Variants in TMC5 observed in about 807,000 individuals in gnomAD.
TMC5 encodes the protein transmembrane channel-like protein 5.
In TMC5, 86 loss-of-function variants were observed where a neutral mutation model predicts 110.5. The observed-to-expected ratio is 0.78, with a 90% confidence interval of 0.65 to 0.93. The LOEUF is 0.93. Ranked by LOEUF, TMC5 falls within the 40% of genes least tolerant of loss-of-function variation. The pLI is 0.00. For synonymous variants in TMC5, 455 were observed against 439.5 expected, an observed-to-expected ratio of 1.04 and a Z score of -0.44; for missense variants, 1,144 against 1,222.8, an observed-to-expected ratio of 0.94 and a Z score of 0.96.
At position 19,474,223 on chromosome 16, in the gene TMC5, G is replaced by C; in HGVS notation, c.2037G>C (p.Arg679Ser). The C allele has an allele frequency of 6.2e-7, 1 of 1,614,116 alleles. No homozygotes were observed. The highest frequency in any genetic ancestry group is 1.6e-4 in the Middle Eastern group (1 of 6,062). Residue 679 changes from arginine to serine, a missense_variant, in exon 12 of 22, where the codon AGG becomes AGC. Coordinates refer to ENST00000542583, the MANE Select transcript of TMC5 (RefSeq NM_001261841.2). ...TGCCATGCATCTACTCCATGTTCAG[G>C]CTTGTGGAGAGGTACGAGATGCCAC... is the stretch of plus-strand genomic sequence containing the variant. The part of the protein sequence containing the change: ...LAVPCIYSMF[R>S]LVERYEMPRH...
chr16:19,438,747 A>G (rs1023076532), intron 2 of TMC5, among the ~76,000 whole-genome samples: 1 of 152,126 alleles, frequency 6.6e-6, no homozygotes, highest in African/African-American at 2.4e-5. Context: ...ACTCCATCTC[A>G]AAAAAAGAAA....
rs867456150 is a variant in TMC5, at chr16:19,477,518, G to A, written c.2169G>A (p.Glu723=). The A allele has an allele frequency of 4.4e-6, 7 of 1,601,128 alleles. No homozygotes were observed. The highest frequency in any genetic ancestry group is 4.3e-6 in the Non-Finnish European group (5 of 1,173,398). Residue 723 remains glutamate (E), a splice_region_variant and synonymous_variant, in exon 13 of 22, where the codon GAG becomes GAA. Transcript: ENST00000542583. The part of the protein sequence containing the change: ...WLNTVALSGE[E]CWETLIGQDI... ...ACACCGTGGCCCTGTCTGGTGAAGA[G>A]GTGAGATTCTATGCTTCTCTGCCTT...
At chr16:19,455,448 A>T (rs1217941980) in intron 5 of TMC5, among the ~76,000 whole-genome samples, 4 of 152,176 alleles carry the variant, frequency 2.6e-5, no homozygotes, top group Admixed American at 2.0e-4. Flanking sequence ...AAAAATTTTT[A>T]AAAAGCAAAA....
intron 2 of TMC5, among the ~76,000 whole-genome samples, chr16:19,434,552 G>A (rs1324429192): frequency 1.3e-5 from 2 of 150,072 alleles, no homozygotes; most frequent in Non-Finnish European, 2.9e-5. Flanking sequence ...TCAAACTCCT[G>A]GCCTCAAGGA....
chr16:19,436,185 C>G (rs919851341), intron 2 of TMC5, among the ~76,000 whole-genome samples: 1 of 140,788 alleles, frequency 7.1e-6, no homozygotes, highest in Non-Finnish European at 1.5e-5. Flanking sequence ...TGCTTGAACC[C>G]GGGGATGGGG....
At chr16:19,440,972 T>C (rs1429756346) in intron 3 of TMC5, 146 bp downstream of exon 3, 6 of 770,198 alleles carry the variant, frequency 7.8e-6, no homozygotes, top group Non-Finnish European at 1.2e-5. Context: ...CGCATACCTA[T>C]CTGTAGACCT....
Position 19,473,379 on chromosome 16 carries a change from A to T in TMC5, c.1939-746A>T, listed in dbSNP as rs546163193. ...AAAAAAAAAAAAAAAAAAAAAAAAAAAACCAGCAGCACGGGCTAGCAGAGA... is the reference window on the plus strand; with the variant it reads ...AAAAAAAAAAAAAAAAAAAAAAAAATAACCAGCAGCACGGGCTAGCAGAGA... On this transcript the variant is annotated intron_variant, in intron 11 of 21. Transcript: ENST00000542583. Among the ~76,000 whole-genome samples the T allele has an allele frequency of 7.9e-4, 115 of 145,676 alleles. 1 individual carries two copies. Among genetic ancestry groups the T allele is most frequent in the Non-Finnish European group, 4.9e-4 (33 of 66,780 alleles).
At chr16:19,456,206 CAA>C (rs1327242387) in intron 5 of TMC5, among the ~76,000 whole-genome samples, 3 of 124,958 alleles carry the variant, frequency 2.4e-5, no homozygotes, top group Admixed American at 7.9e-5. Flanking sequence ...GACTCCATCT[CAA>C]AAAAAAAAAT....
At position 19,418,028 on chromosome 16, in the gene TMC5, C is replaced by T. The variant is rs1966896711; in HGVS notation, c.-372C>T. The T allele has an allele frequency of 6.6e-6, 1 of 152,144 alleles. No individual in the cohort carries two copies. 9.4% of individuals were successfully genotyped at this position (152,144 alleles called of 1,614,324 possible). A position where few individuals can be genotyped will look rare whatever the true frequency, so the allele number is the denominator to read the frequency against. On this transcript the variant is annotated 5_prime_UTR_variant, in exon 1 of 22. Transcript: ENST00000542583. ...AAAAAAGAGGACCTGTTGCCTGTCC[C>T]TCTAGCTTTGAACTACAAAGTGGAG...
intron 4 of TMC5, 77 bp downstream of exon 4, chr16:19,444,327 A>C: frequency 2.2e-6 from 3 of 1,335,430 alleles, no homozygotes; most frequent in Non-Finnish European, 3.1e-6. Context: ...ATCATTAAGG[A>C]GACTTGGCAA....
At chr16:19,433,803 A>G (rs1967242844) in intron 2 of TMC5, among the ~76,000 whole-genome samples, 1 of 151,294 alleles carries the variant, frequency 6.6e-6, no homozygotes, top group African/African-American at 2.4e-5. Flanking sequence ...CTACCTGATT[A>G]TAAGACATTT....
intron 2 of TMC5, among the ~76,000 whole-genome samples, chr16:19,438,244 A>C: frequency 6.6e-6 from 1 of 151,508 alleles, no homozygotes; most frequent in Non-Finnish European, 1.5e-5. Flanking sequence ...AAAATGAAAA[A>C]ATTAGGACCA....
chr16:19,446,854 G>T (rs1967625525), intron 4 of TMC5, among the ~76,000 whole-genome samples: 1 of 152,156 alleles, frequency 6.6e-6, no homozygotes, highest in South Asian at 2.1e-4. Context: ...GGCAAAGTTT[G>T]CAGCCCTTGG....
chr16:19,431,855 A>G (rs1157930640), intron 2 of TMC5, among the ~76,000 whole-genome samples: 2 of 152,178 alleles, frequency 1.3e-5, no homozygotes, highest in Non-Finnish European at 2.9e-5. Flanking sequence ...GATCTAAAGC[A>G]TTCTTTGTGA....
intron 4 of TMC5, among the ~76,000 whole-genome samples, chr16:19,444,928 C>T (rs1967578315): frequency 6.6e-6 from 1 of 152,118 alleles, no homozygotes; most frequent in Non-Finnish European, 1.5e-5. Context: ...GTCAGGAGTT[C>T]GAGACCAGCC....
chr16:19,486,244 G>A (rs184453371), intron 15 of TMC5, among the ~76,000 whole-genome samples: 41 of 152,234 alleles, frequency 2.7e-4, no homozygotes, highest in African/African-American at 8.2e-4. Flanking sequence ...ATCAAGGTGC[G>A]GGTGGGGTTG....
Position 19,474,180 on chromosome 16 carries a change from C to T in TMC5, c.1994C>T (p.Ser665Phe). ...GAVLLLPFVV[S>F]CINLAVPCIY... is the part of the protein sequence containing the mutation. ...GTGCTGTTACTGCCTTTCGTTGTGT[C>T]CTGCATTAATCTGGCCGTGCCATGC... Residue 665 changes from serine to phenylalanine, a missense_variant, in exon 12 of 22, where the codon TCC (serine) becomes TTC (phenylalanine). Coordinates refer to ENST00000542583, the MANE Select transcript of TMC5 (RefSeq NM_001261841.2). 6.2e-7 allele frequency: 1 copy of T among 1,613,958 alleles called. No individual in the cohort carries two copies. Among genetic ancestry groups the T allele is most frequent in the South Asian group, 1.1e-5 (1 of 91,070 alleles).
In TMC5 at chr16:19,456,119, A is replaced by G. The variant is rs181983778; in HGVS notation, c.1049-4116A>G. ...CTACTTGGGAGGCTGAGGCAGGAGA[A>G]TGGCGTGAACCTGGGAGGTGGAGGT... On this transcript the variant is annotated intron_variant, in intron 5 of 21. Coordinates refer to ENST00000542583, the MANE Select transcript of TMC5 (RefSeq NM_001261841.2). Among the ~76,000 whole-genome samples the G allele has an allele frequency of 2.8e-3, 430 of 152,100 alleles. 1 individual carries two copies. Among genetic ancestry groups the G allele is most frequent in the African/African-American group, 9.9e-3 (410 of 41,492 alleles).
chr16:19,434,489 TAGATATAGAG>T lies in TMC5; in HGVS notation c.-80+3853_-80+3862del, dbSNP rs1567300797. 6.3e-4 allele frequency among the ~76,000 whole-genome samples: 48 copies of T among 76,068 alleles called. 1 individual carries two copies. The highest frequency in any genetic ancestry group is 2.6e-3 in the African/African-American group (46 of 17,372). 49.9% of individuals were successfully genotyped at this position (76,068 alleles called of 152,430 possible). On this transcript the variant is annotated intron_variant, in intron 2 of 21. Transcript: ENST00000542583. ...ATAGATAGATAGATAGATAGATAGATAGATATAGAGAGAGAGAGAGATGGGGGTCTTGCTA... is the reference window on the plus strand; with the variant it reads ...ATAGATAGATAGATAGATAGATAGATAGAGAGAGAGATGGGGGTCTTGCTA...
Sources: allele counts gnomAD v4.1 joint callset (sites outside exome capture counted in the v4.1 genomes callset), GRCh38; gene constraint gnomAD v4.1.1; transcripts MANE v1.5; gene names NCBI Gene and HGNC (gene_info 2026-07-23, HGNC 2026-07-21).